Variants in FRS2 observed in about 807,000 individuals in gnomAD.
FRS2 encodes the protein fibroblast growth factor receptor substrate 2.
A neutral mutation model predicts 43.9 loss-of-function variants in FRS2; 8 were observed. That is an observed-to-expected ratio of 0.18 (90% CI 0.11 to 0.33). FRS2 has a LOEUF of 0.33. FRS2 is among the 10% of genes least tolerant of loss of function. FRS2 has a pLI of 1.00. For missense variants in FRS2, 534 were observed against 627.6 expected, an observed-to-expected ratio of 0.85 and a Z score of 1.59; for synonymous variants, 219 against 220.3, an observed-to-expected ratio of 0.99 and a Z score of 0.05.
intron 4 of FRS2, among the ~76,000 whole-genome samples, chr12:69,567,142 G>A (rs189657709): frequency 5.3e-5 from 8 of 151,934 alleles, no homozygotes; most frequent in African/African-American, 1.9e-4. Flanking sequence ...AAGGTTTATC[G>A]CAGTGCATTA....
chr12:69,472,280 C>T (rs932971924), intron 1 of FRS2, among the ~76,000 whole-genome samples: 4 of 142,624 alleles, frequency 2.8e-5, no homozygotes, highest in Non-Finnish European at 6.0e-5. Context: ...TTTTGTAGAG[C>T]CGAGGTTTCA....
chr12:69,545,277 C>T (rs75086891), intron 3 of FRS2, among the ~76,000 whole-genome samples: 434 of 152,136 alleles, frequency 2.9e-3, no homozygotes, highest in African/African-American at 9.7e-3. Context: ...AAATTAGAAA[C>T]GCCCATTCTG....
At chr12:69,536,665 G>A (rs975253875) in intron 3 of FRS2, among the ~76,000 whole-genome samples, 3 of 151,298 alleles carry the variant, frequency 2.0e-5, no homozygotes, top group African/African-American at 4.9e-5. Context: ...TCGATCTGCT[G>A]GACTCAACGA....
intron 1 of FRS2, among the ~76,000 whole-genome samples, chr12:69,525,435 TACAAA>T (rs1876118951): frequency 1.3e-5 from 2 of 152,140 alleles, no homozygotes; most frequent in Admixed American, 1.3e-4. Context: ...TTCCTTAAAA[TACAAA>T]ACAAAACAAG....
In FRS2 at chr12:69,574,473, T is replaced by C. The variant is rs1364528018; in HGVS notation, c.1045T>C (p.Tyr349His). ...TCAGAGAAGAACTGCATTATTAAACTATGAAAATCTACCATCTTTGCCTCC... is the reference window on the plus strand; with the variant it reads ...TCAGAGAAGAACTGCATTATTAAACCATGAAAATCTACCATCTTTGCCTCC... ...SAQRRTALLNYENLPSLPPVW... is the reference protein window; with the variant it reads ...SAQRRTALLNHENLPSLPPVW... The change falls in exon 9 of 9, where the codon TAT (tyrosine) becomes CAT (histidine). Residue 349 changes from tyrosine (Y) to histidine (H), a missense_variant. This residue lies in a region of FRS2 where 446 missense variants were observed against 494.2 expected (regional missense o/e 0.90). Transcript: ENST00000549921. 3 of 1,613,872 alleles carry C rather than the reference T, an allele frequency of 1.9e-6. No homozygotes were observed. Among genetic ancestry groups the C allele is most frequent in the Non-Finnish European group, 2.5e-6 (3 of 1,179,882 alleles).
At chr12:69,490,317 C>A (rs1872358001) in intron 1 of FRS2, among the ~76,000 whole-genome samples, 1 of 151,744 alleles carries the variant, frequency 6.6e-6, no homozygotes, top group Non-Finnish European at 1.5e-5. Context: ...TGAACTGTTT[C>A]TTTACATTTC....
chr12:69,493,985 T>A (rs1872677638), intron 1 of FRS2, among the ~76,000 whole-genome samples: 1 of 152,232 alleles, frequency 6.6e-6, no homozygotes, highest in Non-Finnish European at 1.5e-5. Context: ...ATGAGCTTTT[T>A]TGAGTGCCTA....
intron 3 of FRS2, among the ~76,000 whole-genome samples, chr12:69,561,807 C>T (rs1390403012): frequency 6.6e-6 from 1 of 152,118 alleles, no homozygotes; most frequent in Non-Finnish European, 1.5e-5. Context: ...TAGTCTGCTA[C>T]TGGCCAAAAT....
At chr12:69,528,410 A>AT (rs1400298397) in intron 1 of FRS2, among the ~76,000 whole-genome samples, 2 of 152,168 alleles carry the variant, frequency 1.3e-5, no homozygotes, top group African/African-American at 4.8e-5. Flanking sequence ...TCCCAAACAG[A>AT]AATCCCTAAC....
chr12:69,508,313 T>A (rs1280654776), intron 1 of FRS2, among the ~76,000 whole-genome samples: 1 of 152,168 alleles, frequency 6.6e-6, no homozygotes, highest in African/African-American at 2.4e-5. Context: ...ATATCTATTC[T>A]TAGGGAGAAA....
At chr12:69,538,574 A>AGT (rs1555189601) in intron 3 of FRS2, among the ~76,000 whole-genome samples, 1 of 151,114 alleles carries the variant, frequency 6.6e-6, no homozygotes, top group Non-Finnish European at 1.5e-5. Context: ...TAAGGTAAGG[A>AGT]GTGTGTGTGG....
chr12:69,496,966 T>A (rs1872954659), intron 1 of FRS2, among the ~76,000 whole-genome samples: 2 of 152,176 alleles, frequency 1.3e-5, no homozygotes, highest in Admixed American at 1.3e-4. Flanking sequence ...TCCAAATGTA[T>A]GAAAGAGGAA....
chr12:69,515,705 C>T (rs1344963093), intron 1 of FRS2, among the ~76,000 whole-genome samples: 1 of 151,708 alleles, frequency 6.6e-6, no homozygotes, highest in Admixed American at 6.6e-5. Context: ...CTTTTGTTCC[C>T]TCTAATGGTG....
intron 1 of FRS2, among the ~76,000 whole-genome samples, chr12:69,484,274 T>TG (rs1322032926): frequency 1.3e-5 from 2 of 151,886 alleles, no homozygotes; most frequent in Non-Finnish European, 2.9e-5. Context: ...TTAGTAGAGG[T>TG]GGGGTTTCAC....
Position 69,496,627 on chromosome 12 carries a change from T to G in FRS2, c.-261+26097T>G, listed in dbSNP as rs191129322. 2.0e-4 allele frequency among the ~76,000 whole-genome samples: 30 copies of G among 152,306 alleles called. No homozygotes were observed. The East Asian group carries it at 5.4e-3, about 27-fold the overall frequency. ...TATATATAAACCAAACGCTTTCACT[T>G]ATAATAATAGTGTATAACAATTCTA... is the stretch of plus-strand genomic sequence containing the variant. On this transcript the variant is annotated intron_variant, in intron 1 of 8. Transcript: ENST00000549921.
chr12:69,577,234 C>G lies in FRS2; in HGVS notation c.*2279C>G, dbSNP rs1445006847. The G allele has an allele frequency of 6.6e-6, 1 of 151,836 alleles. No homozygotes were observed. The highest frequency in any genetic ancestry group is 1.5e-5 in the Non-Finnish European group (1 of 67,956). The allele number at this position is 151,836 out of a possible 1,614,324, so 9.4% of individuals were successfully genotyped here. A position where few individuals can be genotyped will look rare whatever the true frequency, so the allele number is the denominator to read the frequency against. ...TGTGCTTTAAAAAGGAAAATGGGAC[C>G]AATTTGTCTGCTAAGAATTTGATTT... is the stretch of plus-strand genomic sequence containing the variant. On this transcript the variant is annotated 3_prime_UTR_variant, in exon 9 of 9. Transcript: ENST00000549921.
chr12:69,576,598 A>C lies in FRS2; in HGVS notation c.*1643A>C, dbSNP rs887087994. ...GGTTAATTTAGCATGAAAAAGTTTT[A>C]GTCATATTGGCATCCAACCTATTCA... On this transcript the variant is annotated 3_prime_UTR_variant, in exon 9 of 9. Transcript: ENST00000549921. The C allele has an allele frequency of 6.6e-6, 1 of 152,226 alleles. No individual in the cohort carries two copies. Among genetic ancestry groups the C allele is most frequent in the Admixed American group, 6.5e-5 (1 of 15,278 alleles). The allele number at this position is 152,226 out of a possible 1,614,324, so 9.4% of individuals were successfully genotyped here. A position where few individuals can be genotyped will look rare whatever the true frequency, so the allele number is the denominator to read the frequency against.
At position 69,574,512 on chromosome 12, in the gene FRS2, C is replaced by G. The variant is rs187299511; in HGVS notation, c.1084C>G (p.Arg362Gly). 1 of 1,613,978 alleles carries G rather than the reference C, an allele frequency of 6.2e-7. No individual in the cohort carries two copies. Among genetic ancestry groups the G allele is most frequent in the Non-Finnish European group, 8.5e-7 (1 of 1,179,988 alleles). The change falls in exon 9 of 9, where the codon CGC becomes GGC. Residue 362 changes from arginine (R) to glycine (G), a missense_variant. Physicochemically the swap from Arg to Gly is moderately radical, Grantham distance 125. Around this residue, in one of 3 missense-constraint regions of FRS2, gnomAD observed 446 missense variants for 494.2 expected, o/e 0.90. Transcript: ENST00000549921. ...LPSLPPVWEA[R>G]KLSRDEDDNL... ...ATCTTTGCCTCCTGTTTGGGAAGCCCGCAAGCTAAGTAGGGATGAAGATGA... is the reference window on the plus strand; with the variant it reads ...ATCTTTGCCTCCTGTTTGGGAAGCCGGCAAGCTAAGTAGGGATGAAGATGA...
At chr12:69,491,347 C>T (rs1034331241) in intron 1 of FRS2, among the ~76,000 whole-genome samples, 3 of 152,070 alleles carry the variant, frequency 2.0e-5, no homozygotes, top group African/African-American at 7.2e-5. Context: ...CTGCCCACCT[C>T]GGCCTTTCAA....
Sources: gnomAD v4.1 joint callset for allele counts (sites outside exome capture counted in the v4.1 genomes callset) on GRCh38, gnomAD v4.1.1 for gene constraint, gnomAD v4.1.1 regional missense constraint, MANE v1.5 for transcripts, NCBI Gene and HGNC (gene_info 2026-07-23, HGNC 2026-07-21) for gene names.